The following POTEC variants were observed in gnomAD, a reference collection of about 807,000 sequenced individuals.
POTEC encodes the protein POTE ankyrin domain family member C.
A neutral mutation model predicts 62.0 loss-of-function variants in POTEC; 35 were observed. The observed-to-expected ratio is 0.56, with a 90% CI of 0.43 to 0.75. POTEC has a LOEUF of 0.75. POTEC is among the 30% of genes least tolerant of loss of function. The pLI is 0.00. For synonymous variants in POTEC, 156 were observed against 221.5 expected (o/e 0.70, Z 2.62); for missense variants, 472 against 655.9 (o/e 0.72, Z 3.06).
rs1298785015 is a variant in POTEC, at chr18:14,510,947, T to G, written c.*951A>C. The G allele has an allele frequency of 6.6e-6, 1 of 152,062 alleles. No individual in the cohort carries two copies. The highest frequency in any genetic ancestry group is 2.4e-5 in the African/African-American group (1 of 41,376). 9.4% of individuals were successfully genotyped at this position (152,062 alleles called of 1,614,324 possible). On this transcript the variant is annotated 3_prime_UTR_variant, in exon 11 of 11. Coordinates refer to ENST00000358970, the MANE Select transcript of POTEC (RefSeq NM_001137671.2). ...ACCTCTGTGAGCCAGAGAACAGCAG[T>G]GAAGGTGGCTGGAGACCCTGGTTGA...
intron 3 of POTEC, 77 bp from the exon 4 acceptor site, chr18:14,535,084 G>A (rs1905667476): frequency 6.3e-7 from 1 of 1,575,038 alleles, no homozygotes; most frequent in Non-Finnish European, 8.6e-7. Flanking sequence ...GAAGCTTATG[G>A]ACTTACACTC....
chr18:14,512,819 T>C (rs1910043605), intron 10 of POTEC, among the ~76,000 whole-genome samples: 1 of 152,176 alleles, frequency 6.6e-6, no homozygotes. Flanking sequence ...CGTGCAGGAT[T>C]TTTGCCAGGT....
In POTEC at chr18:14,520,632, C is replaced by T. The variant is rs566330596; in HGVS notation, c.1409+1622G>A. On this transcript the variant is annotated intron_variant, in intron 9 of 10. Transcript: ENST00000358970. ...GGTGAATACTGAAATATATCCTTTT[C>T]TCAAAGGAAAGATAATGTCACACAT... Among the ~76,000 whole-genome samples the T allele has an allele frequency of 3.1e-4, 47 of 151,704 alleles. No homozygotes were observed. In the East Asian group the frequency reaches 7.8e-3, roughly 25 times the overall value.
intron 10 of POTEC, 43 bp from the exon 11 acceptor site, chr18:14,512,036 G>A (rs753558852): frequency 2.8e-5 from 39 of 1,391,544 alleles, no homozygotes; most frequent in Non-Finnish European, 3.9e-5. Flanking sequence ...TCAATAGAAT[G>A]ACATATCATG....
intron 9 of POTEC, among the ~76,000 whole-genome samples, chr18:14,518,817 A>ATC (rs1910236549): frequency 1.3e-5 from 2 of 149,474 alleles, no homozygotes; most frequent in African/African-American, 4.9e-5. Context: ...CTAGGGGTAG[A>ATC]TAAGGGATGG....
intron 9 of POTEC, among the ~76,000 whole-genome samples, chr18:14,518,647 A>G (rs979354014): frequency 4.2e-5 from 6 of 143,106 alleles, no homozygotes; most frequent in African/African-American, 1.3e-4. Flanking sequence ...TTGTTCCTTA[A>G]TGTGTTTCTT....
intron 9 of POTEC, among the ~76,000 whole-genome samples, chr18:14,520,389 C>T (rs1286931141): frequency 1.3e-5 from 2 of 150,514 alleles, no homozygotes; most frequent in Non-Finnish European, 3.0e-5. Flanking sequence ...TACATAAAGA[C>T]CAAGAAAAAC....
Position 14,542,892 on chromosome 18 carries a change from G to C in POTEC, c.255C>G (p.Asp85Glu). 7.7e-7 allele frequency: 1 copy of C among 1,303,120 alleles called. No individual in the cohort carries two copies. Among genetic ancestry groups the C allele is most frequent in the Non-Finnish European group, 1.1e-6 (1 of 935,522 alleles). The allele number at this position is 1,303,120 out of a possible 1,614,324, so 80.7% of individuals were successfully genotyped here. A position where few individuals can be genotyped will look rare whatever the true frequency, so the allele number is the denominator to read the frequency against. ...SGTSNVGTSG[D>E]HDNSFMKTLR... The stretch of plus-strand genomic sequence containing the variant: ...GCGTCTTCATAAAGGAGTTGTCATG[G>C]TCTCCAGAAGTGCCCACGTTGCTCG... The change falls in exon 1 of 11, where the codon GAC becomes GAG. Residue 85 changes from aspartate (D) to glutamate (E), a missense_variant. This residue lies in a region of POTEC where 257 missense variants were observed against 250.7 expected (regional missense o/e 1.03). Transcript: ENST00000358970.
chr18:14,513,110 T>C (rs1910051272), intron 10 of POTEC, among the ~76,000 whole-genome samples: 1 of 152,026 alleles, frequency 6.6e-6, no homozygotes, highest in Non-Finnish European at 1.5e-5. Context: ...TCACTAAATG[T>C]GTATCATGGC....
Position 14,511,663 on chromosome 18 carries a change from T to A in POTEC, c.*235A>T. ...GAGCAGTAGTCAGTCTACAATGACA[T>A]GATTGAATTTCCATTTCCAGTGTTT... On this transcript the variant is annotated 3_prime_UTR_variant, in exon 11 of 11. Coordinates refer to ENST00000358970, the MANE Select transcript of POTEC (RefSeq NM_001137671.2). The A allele has an allele frequency of 1.7e-6, 1 of 588,678 alleles. No individual in the cohort carries two copies. Among genetic ancestry groups the A allele is most frequent in the Admixed American group, 3.1e-5 (1 of 32,604 alleles). 36.5% of individuals were successfully genotyped at this position (588,678 alleles called of 1,614,324 possible).
intron 9 of POTEC, among the ~76,000 whole-genome samples, chr18:14,514,237 G>C (rs1367196443): frequency 1.3e-5 from 2 of 151,892 alleles, no homozygotes; most frequent in Non-Finnish European, 2.9e-5. Context: ...TGCATGAGCA[G>C]CTTGCAATAG....
intron 6 of POTEC, among the ~76,000 whole-genome samples, chr18:14,527,131 G>A (rs1208542285): frequency 1.3e-5 from 2 of 151,816 alleles, no homozygotes; most frequent in African/African-American, 4.9e-5. Context: ...GTTTGAGTCA[G>A]CAATATTTAG....
chr18:14,543,276 G>A lies in POTEC; in HGVS notation c.-130C>T, dbSNP rs1385662355. 4.2e-6 allele frequency: 6 copies of A among 1,416,806 alleles called. No individual in the cohort carries two copies. The Admixed American group carries it at 1.4e-4, about 32-fold the overall frequency. 87.8% of individuals were successfully genotyped at this position (1,416,806 alleles called of 1,614,324 possible). On this transcript the variant is annotated 5_prime_UTR_variant, in exon 1 of 11. Transcript: ENST00000358970. Reference sequence around the variant, plus strand: ...GAAAGGTCAATCCCAGCCAAAACTTGCCAACCCCAGCAAGGGAGCCCAGTC... The same window carrying A: ...GAAAGGTCAATCCCAGCCAAAACTTACCAACCCCAGCAAGGGAGCCCAGTC...
In POTEC at chr18:14,542,791, G is replaced by T; in HGVS notation, c.356C>A (p.Ala119Asp). The T allele has an allele frequency of 6.2e-7, 1 of 1,613,832 alleles. No individual in the cohort carries two copies. The highest frequency in any genetic ancestry group is 8.5e-7 in the Non-Finnish European group (1 of 1,179,868). ...GGCGCTGTCGTCGTAGTCTCCCCAA[G>T]CGCCCACGTTGCTCTTGCCGCTCCC... ...CRGSGKSNVG[A>D]WGDYDDSAFM... Residue 119 changes from alanine (A) to aspartate (D), a missense_variant, in exon 1 of 11, where the codon GCT (alanine) becomes GAT (aspartate). Around this residue, in one of 5 missense-constraint regions of POTEC, gnomAD observed 257 missense variants for 250.7 expected, o/e 1.03. Transcript: ENST00000358970.
intron 1 of POTEC, among the ~76,000 whole-genome samples, chr18:14,540,779 G>C (rs1368440949): frequency 6.6e-6 from 1 of 152,224 alleles, no homozygotes; most frequent in Non-Finnish European, 1.5e-5. Flanking sequence ...TATTTGAAAA[G>C]TCGCAGCAAC....
chr18:14,534,224 T>C (rs1019825093), intron 4 of POTEC, among the ~76,000 whole-genome samples: 1 of 151,294 alleles, frequency 6.6e-6, no homozygotes, highest in Non-Finnish European at 1.5e-5. Context: ...GATTTCCAAT[T>C]TCATCTTTTC....
At chr18:14,520,577 A>AT (rs1910283567) in intron 9 of POTEC, among the ~76,000 whole-genome samples, 1 of 152,076 alleles carries the variant, frequency 6.6e-6, no homozygotes, top group South Asian at 2.1e-4. Flanking sequence ...TTTAAAAATT[A>AT]TATGACATCA....
chr18:14,537,289 TC>T (rs1567915640), intron 3 of POTEC, among the ~76,000 whole-genome samples: 1 of 151,802 alleles, frequency 6.6e-6, no homozygotes, highest in Non-Finnish European at 1.5e-5. Flanking sequence ...CCTTGATATT[TC>T]TGATTGCTGC....
rs191709996 is a variant in POTEC, at chr18:14,508,589, A to T, written c.*3309T>A. On this transcript the variant is annotated 3_prime_UTR_variant, in exon 11 of 11. Coordinates refer to ENST00000358970, the MANE Select transcript of POTEC (RefSeq NM_001137671.2). Reference sequence around the variant, plus strand: ...TGTCAGGTCAGTTATTTTCTTCTTTATACTCACTATTTTGTCTGTTAGTTC... The same window carrying T: ...TGTCAGGTCAGTTATTTTCTTCTTTTTACTCACTATTTTGTCTGTTAGTTC... 11 of 152,722 alleles carry T rather than the reference A, an allele frequency of 7.2e-5. No homozygotes were observed. The highest frequency in any genetic ancestry group is 2.6e-4 in the African/African-American group (11 of 41,534). 9.5% of individuals were successfully genotyped at this position (152,722 alleles called of 1,614,324 possible).
Sources: gnomAD v4.1 joint callset for allele counts (sites outside exome capture counted in the v4.1 genomes callset) on GRCh38, gnomAD v4.1.1 for gene constraint, gnomAD v4.1.1 regional missense constraint, MANE v1.5 for transcripts, NCBI Gene and HGNC (gene_info 2026-07-23, HGNC 2026-07-21) for gene names.